Variants in HAUS2 observed in about 807,000 individuals in gnomAD.
HAUS2 encodes HAUS augmin-like complex subunit 2.
A neutral mutation model predicts 21.6 loss-of-function variants in HAUS2; 20 were observed. That is an observed-to-expected ratio of 0.93 (90% CI 0.65 to 1.35). The LOEUF is 1.35. Among genes scored for constraint, HAUS2 ranks in the 40% most tolerant of loss-of-function variants. HAUS2 has a pLI of 0.00. For missense variants in HAUS2, 297 were observed against 280.7 expected (o/e 1.06, Z -0.42); for synonymous variants, 113 against 95.6 (o/e 1.18, Z -1.06).
intron 3 of HAUS2, chr15:42,560,922 G>C (rs995162398): frequency 1.5e-6 from 1 of 678,462 alleles, no homozygotes; most frequent in African/African-American, 1.8e-5. Flanking sequence ...GTCTTTTATA[G>C]ACTATTAGAG....
chr15:42,560,386 T>TAGAGAG (rs146328893), intron 3 of HAUS2, among the ~76,000 whole-genome samples: 2 of 145,292 alleles, frequency 1.4e-5, no homozygotes, highest in Non-Finnish European at 3.1e-5. Flanking sequence ...CAGCAAAAAT[T>TAGAGAG]AGAGAGAGAG....
Position 42,565,387 on chromosome 15 carries a change from A to G in HAUS2, c.499-1220A>G, listed in dbSNP as rs1018599752. Reference sequence around the variant, plus strand: ...TGTCTGAGTATTGGGGAGCCATTGAATGTGTGTGTGTGTGTGTGTGTGTGT... The same window carrying G: ...TGTCTGAGTATTGGGGAGCCATTGAGTGTGTGTGTGTGTGTGTGTGTGTGT... On this transcript the variant is annotated intron_variant, in intron 5 of 5. Coordinates refer to ENST00000260372, the MANE Select transcript of HAUS2 (RefSeq NM_018097.3). Among the ~76,000 whole-genome samples the G allele has an allele frequency of 3.0e-3, 408 of 136,492 alleles. 5 individuals are homozygous for G. Among genetic ancestry groups the G allele is most frequent in the Non-Finnish European group, 1.1e-3 (71 of 62,822 alleles). The allele number at this position is 136,492 out of a possible 152,430, so 89.5% of individuals were successfully genotyped here.
At chr15:42,551,915 A>G (rs1399304401) in intron 1 of HAUS2, among the ~76,000 whole-genome samples, 5 of 152,134 alleles carry the variant, frequency 3.3e-5, no homozygotes, top group Non-Finnish European at 5.9e-5. Flanking sequence ...ACTTCTGACA[A>G]CCTTACTACA....
chr15:42,561,135 G>C, intron 3 of HAUS2, 135 bp from the exon 4 acceptor site: 1 of 598,176 alleles, frequency 1.7e-6, no homozygotes, highest in Admixed American at 3.0e-5. Context: ...TGGTATTAAA[G>C]ACAGCAAAAA....
chr15:42,557,519 A>ACATTGTATATAATTTATAT (rs2057800335), intron 1 of HAUS2, among the ~76,000 whole-genome samples: 1 of 122,988 alleles, frequency 8.1e-6, no homozygotes, highest in Non-Finnish European at 1.9e-5. Flanking sequence ...TATATTATAT[A>ACATTGTATATAATTTATAT]TATATGAAGT....
intron 3 of HAUS2, 138 bp from the exon 4 acceptor site, chr15:42,561,132 A>C: frequency 1.7e-6 from 1 of 596,918 alleles, no homozygotes; most frequent in South Asian, 2.2e-5. Flanking sequence ...TATTGGTATT[A>C]AAGACAGCAA....
chr15:42,561,162 T>C lies in HAUS2; in HGVS notation c.257-108T>C, dbSNP rs1446107305. 7 of 654,524 alleles carry C rather than the reference T, an allele frequency of 1.1e-5. No homozygotes were observed. In the South Asian group the frequency reaches 1.1e-4, roughly 11 times the overall value. The allele number at this position is 654,524 out of a possible 1,614,324, so 40.5% of individuals were successfully genotyped here. A position where few individuals can be genotyped will look rare whatever the true frequency, so the allele number is the denominator to read the frequency against. Reference sequence around the variant, plus strand: ...CAGCAAAAAGGAGACAGGAGGGTAATGATAGGATGAATTTTTGACATGGGT... The same window carrying C: ...CAGCAAAAAGGAGACAGGAGGGTAACGATAGGATGAATTTTTGACATGGGT... On this transcript the variant is annotated intron_variant, in intron 3 of 5. Transcript: ENST00000260372.
intron 1 of HAUS2, among the ~76,000 whole-genome samples, chr15:42,549,920 G>A (rs1160214195): frequency 6.6e-6 from 1 of 152,012 alleles, no homozygotes; most frequent in Non-Finnish European, 1.5e-5. Context: ...GGAGCATGTC[G>A]GAGGAAGGAG....
At chr15:42,564,020 C>T (rs920989954) in intron 5 of HAUS2, among the ~76,000 whole-genome samples, 163 bp downstream of exon 5, 1 of 152,098 alleles carries the variant, frequency 6.6e-6, no homozygotes, top group African/African-American at 2.4e-5. Context: ...AATCCCTGCA[C>T]TTTGGGAGGC....
At chr15:42,549,665 G>GAA in intron 1 of HAUS2, among the ~76,000 whole-genome samples, 1 of 150,350 alleles carries the variant, frequency 6.7e-6, no homozygotes, top group East Asian at 2.0e-4. Context: ...AAGCCAGGAT[G>GAA]GTCCCGATCT....
chr15:42,550,963 G>A (rs566618791), intron 1 of HAUS2, among the ~76,000 whole-genome samples: 2 of 150,562 alleles, frequency 1.3e-5, no homozygotes, highest in South Asian at 4.2e-4. Flanking sequence ...CACTGCACCC[G>A]GCCCTCTCCT....
intron 4 of HAUS2, among the ~76,000 whole-genome samples, chr15:42,562,553 C>T (rs1040721870): frequency 6.6e-6 from 1 of 152,192 alleles, no homozygotes; most frequent in Non-Finnish European, 1.5e-5. Flanking sequence ...TGAGATTGTG[C>T]CACTGCACTC....
chr15:42,557,851 G>C (rs1166984209), intron 1 of HAUS2, among the ~76,000 whole-genome samples: 1 of 152,070 alleles, frequency 6.6e-6, no homozygotes, highest in Non-Finnish European at 1.5e-5. Context: ...CTGGGCCTGA[G>C]TCATTTGGAA....
chr15:42,561,564 A>G (rs1349013887), intron 4 of HAUS2, 162 bp downstream of exon 4: 1 of 530,296 alleles, frequency 1.9e-6, no homozygotes, highest in Non-Finnish European at 3.3e-6. Flanking sequence ...TTGCTTTTAA[A>G]CCATTATACC....
At chr15:42,557,040 G>A (rs1200747223) in intron 1 of HAUS2, among the ~76,000 whole-genome samples, 1 of 149,950 alleles carries the variant, frequency 6.7e-6, no homozygotes, top group Non-Finnish European at 1.5e-5. Context: ...GCGAAACTCA[G>A]TCGGTGGCTC....
rs73406531 is a variant in HAUS2, at chr15:42,559,505, A to G, written c.256+97A>G. 0.016 allele frequency: 11,381 copies of G among 731,620 alleles called. 767 individuals are homozygous for G. The African/African-American group carries it at 0.16, about 10-fold the overall frequency. 45.3% of individuals were successfully genotyped at this position (731,620 alleles called of 1,614,324 possible). A position where few individuals can be genotyped will look rare whatever the true frequency, so the allele number is the denominator to read the frequency against. On this transcript the variant is annotated intron_variant, in intron 3 of 5. Transcript: ENST00000260372. ...GTCAGTCAAATTATGATACACCATC[A>G]TTTTTCCAGGTGTTGTCCCAAAGCT...
rs1595554475 is a variant in HAUS2, at chr15:42,561,414, A to T, written c.389+12A>T. 6.3e-7 allele frequency: 1 copy of T among 1,585,422 alleles called. No homozygotes were observed. The highest frequency in any genetic ancestry group is 1.1e-5 in the South Asian group (1 of 90,224). Reference sequence around the variant, plus strand: ...GCTGTTTATCACAGGTTAGACTGAAAAGTAGAAATTAACAGTTACACCTGT... The same window carrying T: ...GCTGTTTATCACAGGTTAGACTGAATAGTAGAAATTAACAGTTACACCTGT... On this transcript the variant is annotated intron_variant, in intron 4 of 5. Coordinates refer to ENST00000260372, the MANE Select transcript of HAUS2 (RefSeq NM_018097.3).
At chr15:42,551,478 T>C (rs1017852688) in intron 1 of HAUS2, among the ~76,000 whole-genome samples, 7 of 151,946 alleles carry the variant, frequency 4.6e-5, no homozygotes, top group African/African-American at 1.7e-4. Context: ...CAGTCTCTAC[T>C]ACAAATACAA....
At chr15:42,558,385 T>C in intron 2 of HAUS2, 95 bp downstream of exon 2, 1 of 578,186 alleles carries the variant, frequency 1.7e-6, no homozygotes, top group East Asian at 3.3e-5. Context: ...TGGAGTGCAG[T>C]GGCACAATCT....
Sources: allele counts gnomAD v4.1 joint callset (sites outside exome capture counted in the v4.1 genomes callset), GRCh38; gene constraint gnomAD v4.1.1; transcripts MANE v1.5; gene names NCBI Gene and HGNC (gene_info 2026-07-23, HGNC 2026-07-21).